PCDHA11: variants seen among roughly 807,000 people sequenced by gnomAD.
The protein encoded by PCDHA11 is protocadherin alpha-11.
A neutral mutation model predicts 70.3 loss-of-function variants in PCDHA11; 61 were observed. The ratio of observed to expected loss-of-function variants is 0.87; its 90% CI spans 0.71 to 1.07. The LOEUF is 1.07. Ranked by LOEUF, PCDHA11 falls within the 50% of genes least tolerant of loss-of-function variation. The pLI is 0.00. For synonymous variants in PCDHA11, 633 were observed against 555.1 expected (o/e 1.14, Z -1.97); for missense variants, 1,324 against 1,237.5 (o/e 1.07, Z -1.05).
rs375332226 is a variant in PCDHA11 at position 141,003,567 on chromosome 5, ACTCCCAAAGTG to A, written c.2540-6057_2540-6047del. Among the ~76,000 whole-genome samples, 186 of 152,020 alleles carry A rather than the reference ACTCCCAAAGTG, an allele frequency of 1.2e-3. 1 individual carries two copies. Among genetic ancestry groups the A allele is most frequent in the African/African-American group, 4.1e-3 (172 of 41,464 alleles). On this transcript the variant is annotated intron_variant, in intron 3 of 3. Coordinates refer to ENST00000398640, the MANE Select transcript of PCDHA11 (RefSeq NM_018902.5). ...GCTTCAAGTGATCCACCTGCCTCAGACTCCCAAAGTGCTGGGATTTTAGATGTGAGCCACCA... is the reference window on the plus strand; with the variant it reads ...GCTTCAAGTGATCCACCTGCCTCAGACTGGGATTTTAGATGTGAGCCACCA...
intron 1 of PCDHA11, chr5:140,882,945 T>C (rs1554176195): frequency 6.2e-7 from 1 of 1,614,194 alleles, no homozygotes; most frequent in Non-Finnish European, 8.5e-7. Flanking sequence ...ACTGGCACAG[T>C]TCAGCTGCTC....
At position 140,967,719 on chromosome 5, in the gene PCDHA11, G is replaced by A. The variant is rs1422649398; in HGVS notation, c.2392-11230G>A. On this transcript the variant is annotated intron_variant, in intron 1 of 3. Coordinates refer to ENST00000398640, the MANE Select transcript of PCDHA11 (RefSeq NM_018902.5). ...ATAGATGCCAGTACCGGGGAAGTGC[G>A]AGTAATTGGGGGGCTGGATTATGAG... 3 of 1,614,052 alleles carry A rather than the reference G, an allele frequency of 1.9e-6. No individual in the cohort carries two copies. In the African/African-American group the frequency reaches 4.0e-5, roughly 22 times the overall value.
intron 1 of PCDHA11, among the ~76,000 whole-genome samples, chr5:140,954,602 A>G (rs2095062634): frequency 6.6e-6 from 1 of 152,120 alleles, no homozygotes; most frequent in South Asian, 2.1e-4. Flanking sequence ...TTCTTTGCCC[A>G]CTTTTTAATG....
Position 140,871,393 on chromosome 5 carries a change from C to G in PCDHA11, c.2290C>G (p.Pro764Ala), listed in dbSNP as rs782354799. The G allele has an allele frequency of 6.2e-6, 10 of 1,614,130 alleles. No individual in the cohort carries two copies. The East Asian group carries it at 2.2e-4, about 36-fold the overall frequency. ...RQRVCSEEGP[P>A]KTDLMAFSPS... ...GAGGGTGTGCTCTGAGGAGGGCCCA[C>G]CTAAGACGGACCTCATGGCCTTCAG... The change falls in exon 1 of 4, where the codon CCT (proline) becomes GCT (alanine). Residue 764 changes from proline to alanine, a missense_variant. Physicochemically the swap from Pro to Ala is conservative, Grantham distance 27 (BLOSUM62 -1). Transcript: ENST00000398640.
In PCDHA11 at chr5:140,968,565, C is replaced by T. The variant is rs532751675; in HGVS notation, c.2392-10384C>T. ...GAGATGGTGCCTCGAACTGCCCCTG[C>T]TGGCTACCTGGTCACCAAAGTCATA... is the stretch of plus-strand genomic sequence containing the variant. On this transcript the variant is annotated intron_variant, in intron 1 of 3. Coordinates refer to ENST00000398640, the MANE Select transcript of PCDHA11 (RefSeq NM_018902.5). 4.3e-6 allele frequency: 7 copies of T among 1,614,206 alleles called. No homozygotes were observed. The African/African-American group carries it at 6.7e-5, about 15-fold the overall frequency.
chr5:140,883,137 T>C (rs2153390787), intron 1 of PCDHA11: 1 of 1,614,036 alleles, frequency 6.2e-7, no homozygotes, highest in Admixed American at 1.7e-5. Flanking sequence ...CCTGCAGTGG[T>C]ATATGCATTT....
intron 1 of PCDHA11, among the ~76,000 whole-genome samples, chr5:140,909,427 T>C (rs777444474): frequency 5.8e-4 from 88 of 152,174 alleles, no homozygotes; most frequent in Non-Finnish European, 6.5e-4. Context: ...GTTAAACTTA[T>C]GATAATCCAC....
intron 3 of PCDHA11, among the ~76,000 whole-genome samples, chr5:141,005,884 T>A (rs1554260408): frequency 6.6e-6 from 1 of 151,744 alleles, no homozygotes; most frequent in Non-Finnish European, 1.5e-5. Context: ...GAGTTTGAGG[T>A]TACATCAAGC....
At chr5:140,925,108 G>GGAGGGAA (rs1554202548) in intron 1 of PCDHA11, among the ~76,000 whole-genome samples, 1 of 124,702 alleles carries the variant, frequency 8.0e-6, no homozygotes, top group African/African-American at 3.3e-5. Context: ...GAAGGAAGGA[G>GGAGGGAA]GGAAGGAAGG....
intron 1 of PCDHA11, chr5:140,930,019 T>G (rs1454076883): frequency 6.6e-6 from 1 of 152,222 alleles, no homozygotes; most frequent in Non-Finnish European, 1.5e-5. Context: ...GATAGCTCCA[T>G]AGCAGTGTTT....
chr5:140,911,729 C>T (rs571299791), intron 1 of PCDHA11, among the ~76,000 whole-genome samples: 16 of 152,252 alleles, frequency 1.1e-4, no homozygotes, highest in South Asian at 4.2e-4. Flanking sequence ...GTAAACAGTT[C>T]GTGCCAAGGA....
At chr5:140,937,198 C>T (rs2091402998) in intron 1 of PCDHA11, among the ~76,000 whole-genome samples, 1 of 151,908 alleles carries the variant, frequency 6.6e-6, no homozygotes, top group Non-Finnish European at 1.5e-5. Context: ...CCACCATGCC[C>T]GGCTAATTTT....
intron 1 of PCDHA11, among the ~76,000 whole-genome samples, chr5:140,892,427 C>T (rs1429226685): frequency 6.6e-6 from 1 of 152,170 alleles, no homozygotes; most frequent in Admixed American, 6.5e-5. Flanking sequence ...GATAAAACCT[C>T]ATTATCTAAA....
At chr5:140,875,346 T>C in intron 1 of PCDHA11, 1 of 1,443,436 alleles carries the variant, frequency 6.9e-7, no homozygotes. Flanking sequence ...GACTCCATAA[T>C]GACTGTGATG....
At chr5:140,978,520 C>T (rs2096807249) in intron 1 of PCDHA11, among the ~76,000 whole-genome samples, 1 of 152,214 alleles carries the variant, frequency 6.6e-6, no homozygotes, top group Non-Finnish European at 1.5e-5. Flanking sequence ...GCAGTCCAGC[C>T]AGGCCAGCAG....
chr5:140,897,999 G>A (rs1411789620), intron 1 of PCDHA11, among the ~76,000 whole-genome samples: 3 of 152,142 alleles, frequency 2.0e-5, no homozygotes, highest in East Asian at 1.9e-4. Context: ...TTTGAGAAGT[G>A]TCTGTTCATA....
At chr5:141,001,476 G>A (rs1554258187) in intron 3 of PCDHA11, among the ~76,000 whole-genome samples, 1 of 152,226 alleles carries the variant, frequency 6.6e-6, no homozygotes, top group Admixed American at 6.5e-5. Flanking sequence ...CAGCAGCGGG[G>A]AAGTGCTGGA....
chr5:140,875,411 T>C, intron 1 of PCDHA11: 1 of 1,503,674 alleles, frequency 6.7e-7, no homozygotes, highest in Non-Finnish European at 8.9e-7. Context: ...GCTCATAAAA[T>C]ACCTCAGGCA....
intron 1 of PCDHA11, chr5:140,883,754 G>C: frequency 3.1e-6 from 5 of 1,613,118 alleles, no homozygotes; most frequent in Non-Finnish European, 4.2e-6. Flanking sequence ...CTCGCTGGTG[G>C]AGCGGCGGGT....
Sources: allele counts gnomAD v4.1 joint callset (sites outside exome capture counted in the v4.1 genomes callset), GRCh38; gene constraint gnomAD v4.1.1; transcripts MANE v1.5; gene names NCBI Gene and HGNC (gene_info 2026-07-23, HGNC 2026-07-21).